The following ATXN1 variants were observed in gnomAD, a reference collection of about 807,000 sequenced individuals.
ATXN1 encodes ataxin 1, also known as ataxin-1.
In ATXN1, 8 loss-of-function variants were observed where a neutral mutation model predicts 56.4. The observed-to-expected ratio is 0.14, with a 90% CI of 0.08 to 0.26. ATXN1 has a LOEUF of 0.26. Ranked by LOEUF, ATXN1 falls within the 10% of genes least tolerant of loss-of-function variation. The probability of loss-of-function intolerance (pLI) is 1.00; values close to 1 mark genes in which losing one functional copy is unlikely to be tolerated. For missense variants in ATXN1, 987 were observed against 1,106.5 expected (o/e 0.89, Z 1.53); for synonymous variants, 514 against 494.6 (o/e 1.04, Z -0.52).
chr6:16,425,347 G>A (rs536730952), intron 6 of ATXN1, among the ~76,000 whole-genome samples: 101 of 152,266 alleles, frequency 6.6e-4, no homozygotes, highest in African/African-American at 2.0e-3. Context: ...AATGCCTTTC[G>A]GTAAAGGAGA....
intron 2 of ATXN1, among the ~76,000 whole-genome samples, chr6:16,671,456 A>AT (rs756237628): frequency 3.9e-5 from 6 of 152,138 alleles, no homozygotes; most frequent in Non-Finnish European, 7.4e-5. Context: ...GCAGATGGGA[A>AT]TTTTGAACTC....
In ATXN1 at chr6:16,327,510, G is replaced by A. The variant is rs150320597; in HGVS notation, c.801C>T (p.Pro267=). The part of the protein sequence containing the change: ...TGRTASPPAI[P]VHLHPHQTMI... ...TCGTCTGGTGGGGGTGGAGGTGGACGGGGATGGCCGGAGGAGAGGCGGTGC... is the reference window on the plus strand; with the variant it reads ...TCGTCTGGTGGGGGTGGAGGTGGACAGGGATGGCCGGAGGAGAGGCGGTGC... The change falls in exon 7 of 8, where the codon CCC becomes CCT. Residue 267 remains proline, a synonymous_variant. Transcript: ENST00000436367. 112 of 1,612,570 alleles carry A rather than the reference G, an allele frequency of 6.9e-5. No homozygotes were observed. Among genetic ancestry groups the A allele is most frequent in the South Asian group, 5.5e-4 (50 of 91,022 alleles).
rs1759795972 is a variant in ATXN1 at position 16,453,424 on chromosome 6, G to C, written c.-161+32548C>G. Among the ~76,000 whole-genome samples, 2 of 152,122 alleles carry C rather than the reference G, an allele frequency of 1.3e-5. 1 individual carries two copies. Among genetic ancestry groups the C allele is most frequent in the South Asian group, 4.1e-4 (2 of 4,824 alleles). On this transcript the variant is annotated intron_variant, in intron 6 of 7. Coordinates refer to ENST00000436367, the MANE Select transcript of ATXN1 (RefSeq NM_001128164.2). ...TGAAGTGAGCCAAGATTGCGCCACTGCACTCCAGCCTGGGCGACAGAGTGA... is the reference window on the plus strand; with the variant it reads ...TGAAGTGAGCCAAGATTGCGCCACTCCACTCCAGCCTGGGCGACAGAGTGA...
chr6:16,711,233 C>A (rs1294210840), intron 2 of ATXN1, among the ~76,000 whole-genome samples: 1 of 152,164 alleles, frequency 6.6e-6, no homozygotes, highest in Non-Finnish European at 1.5e-5. Flanking sequence ...AAAACTGAAT[C>A]TTGACCCCTA....
intron 3 of ATXN1, among the ~76,000 whole-genome samples, chr6:16,630,978 G>T (rs17667167): frequency 0.2 from 30,058 of 152,092 alleles, 3,495 homozygotes; most frequent in Non-Finnish European, 0.27. Flanking sequence ...GCTTATGAAG[G>T]ACCCTTTCAT....
chr6:16,519,074 A>C (rs1236689750), intron 5 of ATXN1, among the ~76,000 whole-genome samples: 1 of 152,236 alleles, frequency 6.6e-6, no homozygotes, highest in African/African-American at 2.4e-5. Flanking sequence ...TGGAGTGAGA[A>C]TATAACGTTG....
intron 2 of ATXN1, among the ~76,000 whole-genome samples, chr6:16,680,352 T>A (rs1758788708): frequency 1.3e-5 from 2 of 152,240 alleles, no homozygotes; most frequent in Admixed American, 1.3e-4. Context: ...CATGTCCTTC[T>A]GTTCCTTCCT....
At chr6:16,417,073 C>T (rs1376639327) in intron 6 of ATXN1, among the ~76,000 whole-genome samples, 3 of 152,070 alleles carry the variant, frequency 2.0e-5, no homozygotes, top group African/African-American at 4.8e-5. Flanking sequence ...GCTCTGTTGC[C>T]GAGGCTGGAG....
intron 5 of ATXN1, among the ~76,000 whole-genome samples, chr6:16,496,662 G>A (rs1760786802): frequency 6.6e-6 from 1 of 152,292 alleles, no homozygotes; most frequent in South Asian, 2.1e-4. Flanking sequence ...GCCGTGGTTT[G>A]TCTTAAGAGT....
intron 3 of ATXN1, among the ~76,000 whole-genome samples, chr6:16,602,789 G>A (rs1011235519): frequency 2.6e-5 from 4 of 152,126 alleles, no homozygotes; most frequent in Admixed American, 6.5e-5. Flanking sequence ...ATAAGGTAAC[G>A]TCTCCTACTT....
At chr6:16,556,848 T>C (rs1762022890) in intron 4 of ATXN1, among the ~76,000 whole-genome samples, 1 of 152,220 alleles carries the variant, frequency 6.6e-6, no homozygotes, top group South Asian at 2.1e-4. Context: ...AATGCTATGA[T>C]CTGAGCAAGT....
chr6:16,458,937 T>C (rs750688337), intron 6 of ATXN1, among the ~76,000 whole-genome samples: 10 of 152,320 alleles, frequency 6.6e-5, no homozygotes, highest in Non-Finnish European at 1.3e-4. Flanking sequence ...AGTTTAGCCA[T>C]TGAGGGCCAG....
chr6:16,316,865 CTTTTTTTT>C lies in ATXN1; in HGVS notation c.1917+9521_1917+9528del, dbSNP rs375359789. Reference sequence around the variant, plus strand: ...AGGGGGCAATAGAGAGACTGCCTGTCTTTTTTTTTTTTTTTTTTTTTTTTTTTAACCAG... The same window carrying C: ...AGGGGGCAATAGAGAGACTGCCTGTCTTTTTTTTTTTTTTTTTTTAACCAG... On this transcript the variant is annotated intron_variant, in intron 7 of 7. Transcript: ENST00000436367. Among the ~76,000 whole-genome samples the C allele has an allele frequency of 2.7e-3, 264 of 99,458 alleles. 2 individuals are homozygous for C. Among genetic ancestry groups the C allele is most frequent in the South Asian group, 6.0e-3 (14 of 2,348 alleles). The allele number at this position is 99,458 out of a possible 152,430, so 65.2% of individuals were successfully genotyped here. A position where few individuals can be genotyped will look rare whatever the true frequency, so the allele number is the denominator to read the frequency against.
chr6:16,529,176 CAA>C (rs34454648), intron 4 of ATXN1, among the ~76,000 whole-genome samples: 1 of 122,538 alleles, frequency 8.2e-6, no homozygotes. Flanking sequence ...AAGACTCTGT[CAA>C]AAAAAAAAAA....
intron 3 of ATXN1, among the ~76,000 whole-genome samples, chr6:16,620,144 G>A (rs1220548978): frequency 6.6e-6 from 1 of 152,062 alleles, no homozygotes; most frequent in East Asian, 1.9e-4. Context: ...AACTTTTACA[G>A]TAGGAGAAAC....
chr6:16,683,777 C>T (rs148765753), intron 2 of ATXN1, among the ~76,000 whole-genome samples: 3,154 of 152,278 alleles, frequency 0.021, 43 homozygotes, highest in Non-Finnish European at 0.03. Context: ...AATTGCTCTG[C>T]CGCCACCATG....
At chr6:16,343,550 G>A (rs558423088) in intron 6 of ATXN1, among the ~76,000 whole-genome samples, 38 of 152,162 alleles carry the variant, frequency 2.5e-4, no homozygotes, top group African/African-American at 8.9e-4. Context: ...TCTCACATCC[G>A]CAAAGGGGAC....
intron 5 of ATXN1, among the ~76,000 whole-genome samples, chr6:16,510,115 G>A (rs765576011): frequency 3.3e-5 from 5 of 152,042 alleles, no homozygotes; most frequent in Non-Finnish European, 7.4e-5. Context: ...TCTGTCTTAT[G>A]CCATACTTAT....
At chr6:16,447,332 C>A (rs1759656566) in intron 6 of ATXN1, among the ~76,000 whole-genome samples, 1 of 152,154 alleles carries the variant, frequency 6.6e-6, no homozygotes, top group South Asian at 2.1e-4. Context: ...TCAAACTATT[C>A]TCCTGCCTCA....
Sources: allele counts gnomAD v4.1 joint callset (sites outside exome capture counted in the v4.1 genomes callset), GRCh38; gene constraint gnomAD v4.1.1; transcripts MANE v1.5; gene names NCBI Gene and HGNC (gene_info 2026-07-23, HGNC 2026-07-21).